Variants in NPR3 observed in about 807,000 individuals in gnomAD.
NPR3 encodes the protein atrial natriuretic peptide receptor 3.
A neutral mutation model predicts 54.5 loss-of-function variants in NPR3; 34 were observed. The observed-to-expected ratio is 0.62, with a 90% confidence interval of 0.47 to 0.83. NPR3 has a LOEUF of 0.83. Ranked by LOEUF, NPR3 falls within the 40% of genes least tolerant of loss-of-function variation. NPR3 has a pLI of 0.00. For missense variants in NPR3, 674 were observed against 720.8 expected, an observed-to-expected ratio of 0.94 and a Z score of 0.74; for synonymous variants, 289 against 297.1, an observed-to-expected ratio of 0.97 and a Z score of 0.28.
intron 4 of NPR3, among the ~76,000 whole-genome samples, chr5:32,775,788 G>A (rs1353451108): frequency 6.6e-6 from 1 of 152,050 alleles, no homozygotes; most frequent in Non-Finnish European, 1.5e-5. Context: ...AGTAGAGATG[G>A]AGTTTCACCA....
In NPR3 at chr5:32,741,617, T is replaced by G. The variant is rs1468183877; in HGVS notation, c.1059+2587T>G. ...TATTTGCAGCCCTAGATTACCATAC[T>G]GCTTCCCTCTGATGGTGGGCCTATT... On this transcript the variant is annotated intron_variant, in intron 3 of 7. Coordinates refer to ENST00000265074, the MANE Select transcript of NPR3 (RefSeq NM_001204375.2). Among the ~76,000 whole-genome samples the G allele has an allele frequency of 3.9e-5, 6 of 152,244 alleles. 1 individual carries two copies. Among genetic ancestry groups the G allele is most frequent in the Admixed American group, 3.9e-4 (6 of 15,284 alleles).
chr5:32,725,131 G>A (rs916605498), intron 2 of NPR3, among the ~76,000 whole-genome samples: 1 of 152,114 alleles, frequency 6.6e-6, no homozygotes, highest in Non-Finnish European at 1.5e-5. Context: ...AGGGGTGGTG[G>A]GGGTGGGTTA....
At chr5:32,717,588 T>C (rs817903) in intron 1 of NPR3, among the ~76,000 whole-genome samples, 1 of 152,182 alleles carries the variant, frequency 6.6e-6, no homozygotes, top group Non-Finnish European at 1.5e-5. Context: ...TTTTGATTTG[T>C]ATTTCTCTGA....
chr5:32,773,872 G>C (rs942452648), intron 3 of NPR3, among the ~76,000 whole-genome samples: 3 of 152,164 alleles, frequency 2.0e-5, no homozygotes, highest in African/African-American at 7.2e-5. Flanking sequence ...TCTTGAAGCA[G>C]GCACTAGTCT....
upstream of NPR3, among the ~76,000 whole-genome samples, chr5:32,707,917 CTGG>C (rs1205836884): frequency 6.6e-6 from 1 of 150,614 alleles, no homozygotes; most frequent in Non-Finnish European, 1.5e-5. Flanking sequence ...TTTCATAGAG[CTGG>C]AAAATAAACC....
chr5:32,741,634 G>T (rs898419924), intron 3 of NPR3, among the ~76,000 whole-genome samples: 2 of 152,068 alleles, frequency 1.3e-5, no homozygotes, highest in African/African-American at 2.4e-5. Context: ...CTCTGATGGT[G>T]GGCCTATTAA....
intron 4 of NPR3, among the ~76,000 whole-genome samples, chr5:32,775,484 C>T (rs575887225): frequency 1.2e-4 from 19 of 152,162 alleles, no homozygotes; most frequent in African/African-American, 3.4e-4. Flanking sequence ...TTAGTAGAGA[C>T]GGGGTTTTAC....
intron 2 of NPR3, among the ~76,000 whole-genome samples, chr5:32,736,367 C>A (rs1439002033): frequency 1.3e-5 from 2 of 151,878 alleles, no homozygotes; most frequent in African/African-American, 2.4e-5. Context: ...CATTTCGGTC[C>A]GTGAGATAGT....
chr5:32,782,868 CTATT>C, intron 5 of NPR3, 21 bp from the exon 6 acceptor site: 2 of 1,579,728 alleles, frequency 1.3e-6, no homozygotes, highest in Non-Finnish European at 1.7e-6. Flanking sequence ...TTTGGTTTGT[CTATT>C]TGTTTTTTGC....
intron 3 of NPR3, among the ~76,000 whole-genome samples, chr5:32,760,913 C>A (rs1470365360): frequency 6.6e-6 from 1 of 152,080 alleles, no homozygotes; most frequent in African/African-American, 2.4e-5. Context: ...TGCCACAATG[C>A]ATTGAAAATG....
intron 3 of NPR3, among the ~76,000 whole-genome samples, chr5:32,744,377 C>G (rs1301943796): frequency 6.6e-6 from 1 of 152,150 alleles, no homozygotes; most frequent in Non-Finnish European, 1.5e-5. Context: ...ATTTCATAGA[C>G]CTGGCTGCCT....
chr5:32,743,433 C>T (rs994605127), intron 3 of NPR3, among the ~76,000 whole-genome samples: 4 of 152,056 alleles, frequency 2.6e-5, no homozygotes, highest in Admixed American at 1.3e-4. Flanking sequence ...CAATTTTATT[C>T]TGTGTAGATT....
intron 3 of NPR3, among the ~76,000 whole-genome samples, chr5:32,769,988 C>A (rs762826181): frequency 9.9e-5 from 15 of 152,208 alleles, no homozygotes; most frequent in Non-Finnish European, 1.9e-4. Flanking sequence ...ACAGCAGCAA[C>A]AACAGGATTT....
chr5:32,785,342 G>C lies in NPR3; in HGVS notation c.1514+459G>C, dbSNP rs376988067. 5.3e-5 allele frequency among the ~76,000 whole-genome samples: 8 copies of C among 151,870 alleles called. No individual in the cohort carries two copies. The East Asian group carries it at 1.2e-3, about 22-fold the overall frequency. The stretch of plus-strand genomic sequence containing the variant: ...TTTTTTGTATGTTTATTAGAGATGG[G>C]GTTTCACCATGTTGGCCAGGTTGGT... On this transcript the variant is annotated intron_variant, in intron 7 of 7. Transcript: ENST00000265074.
At chr5:32,768,133 C>G (rs139241068) in intron 3 of NPR3, among the ~76,000 whole-genome samples, 150 of 152,246 alleles carry the variant, frequency 9.9e-4, no homozygotes, top group African/African-American at 3.5e-3. Flanking sequence ...CGTGCCTTGA[C>G]AGGACACAGA....
chr5:32,728,835 GTGTATATATATATATATA>G (rs1452388558), intron 2 of NPR3, among the ~76,000 whole-genome samples: 23 of 60,628 alleles, frequency 3.8e-4, no homozygotes, highest in South Asian at 8.7e-4. Flanking sequence ...GTGTGTGTGT[GTGTATATATATATATATA>G]TATATATATA....
intron 3 of NPR3, among the ~76,000 whole-genome samples, chr5:32,752,074 G>A (rs889500707): frequency 6.6e-6 from 1 of 151,960 alleles, no homozygotes; most frequent in Non-Finnish European, 1.5e-5. Flanking sequence ...TGTGGTGGTG[G>A]GTGCCTGTAA....
At position 32,789,658 on chromosome 5, in the gene NPR3, A is replaced by C. The variant is rs1380898538; in HGVS notation, c.*3313A>C. 1 of 534,738 alleles carries C rather than the reference A, an allele frequency of 1.9e-6. No homozygotes were observed. The highest frequency in any genetic ancestry group is 1.9e-5 in the Admixed American group (1 of 51,596). 33.1% of individuals were successfully genotyped at this position (534,738 alleles called of 1,614,324 possible). A position where few individuals can be genotyped will look rare whatever the true frequency, so the allele number is the denominator to read the frequency against. On this transcript the variant is annotated 3_prime_UTR_variant, in exon 8 of 8. Coordinates refer to ENST00000265074, the MANE Select transcript of NPR3 (RefSeq NM_001204375.2). The stretch of plus-strand genomic sequence containing the variant: ...CTAAAATCATTAATTTACTCAAGGC[A>C]CATGTGCCTTCTTTGCCCCAAATGC...
In NPR3 at chr5:32,789,467, C is replaced by T. The variant is rs148099246; in HGVS notation, c.*3122C>T. 7 of 534,014 alleles carry T rather than the reference C, an allele frequency of 1.3e-5. No homozygotes were observed. The highest frequency in any genetic ancestry group is 2.7e-5 in the Non-Finnish European group (7 of 259,934). 33.1% of individuals were successfully genotyped at this position (534,014 alleles called of 1,614,324 possible). A position where few individuals can be genotyped will look rare whatever the true frequency, so the allele number is the denominator to read the frequency against. On this transcript the variant is annotated 3_prime_UTR_variant, in exon 8 of 8. Coordinates refer to ENST00000265074, the MANE Select transcript of NPR3 (RefSeq NM_001204375.2). ...CATCAACTTGTCTTTTCTTGAACCACAGGAATGGTTCTACAGACCCTACTA... is the reference window on the plus strand; with the variant it reads ...CATCAACTTGTCTTTTCTTGAACCATAGGAATGGTTCTACAGACCCTACTA...
Sources: allele counts gnomAD v4.1 joint callset (sites outside exome capture counted in the v4.1 genomes callset), GRCh38; gene constraint gnomAD v4.1.1; transcripts MANE v1.5; gene names NCBI Gene and HGNC (gene_info 2026-07-23, HGNC 2026-07-21).